POT1: variants seen among roughly 807,000 people sequenced by gnomAD.
POT1 encodes the protein protection of telomeres protein 1.
Under a neutral mutation model 78.5 loss-of-function variants are expected in POT1, and 47 were observed. The ratio of observed to expected loss-of-function variants is 0.60; its 90% CI spans 0.47 to 0.76. POT1 has a LOEUF of 0.76. Among genes scored for constraint, POT1 ranks in the 30% least tolerant of loss-of-function variants. The pLI is 0.00. For missense variants in POT1, 646 were observed against 749.9 expected (o/e 0.86, Z 1.62); for synonymous variants, 259 against 260.7 (o/e 0.99, Z 0.06).
At position 124,896,114 on chromosome 7, in the gene POT1, C is replaced by G. The variant is rs1278727142; in HGVS notation, c.9+1051G>C. On this transcript the variant is annotated intron_variant, in intron 5 of 18. Transcript: ENST00000357628. ...TTCAGGAAAACAAGAAACTCAAAAA[C>G]AGTAACTCCGTTTTCTTGATATCAA... Among the ~76,000 whole-genome samples, 3 of 151,422 alleles carry G rather than the reference C, an allele frequency of 2.0e-5. No homozygotes were observed. The East Asian group carries it at 5.8e-4, about 29-fold the overall frequency.
At chr7:124,906,438 A>G (rs1011227072) in intron 3 of POT1, among the ~76,000 whole-genome samples, 27 of 142,308 alleles carry the variant, frequency 1.9e-4, no homozygotes, top group Admixed American at 2.2e-4. Context: ...GAACTGAACA[A>G]TGAGAACACT....
chr7:124,824,148 C>A, intron 18 of POT1, 74 bp from the exon 19 acceptor site: 1 of 821,084 alleles, frequency 1.2e-6, no homozygotes, highest in Non-Finnish European at 1.9e-6. Context: ...GGTACCTAAG[C>A]TTACCACTGA....
intron 3 of POT1, among the ~76,000 whole-genome samples, chr7:124,902,902 C>A (rs946473905): frequency 2.6e-5 from 4 of 151,982 alleles, no homozygotes; most frequent in Non-Finnish European, 4.4e-5. Flanking sequence ...AGACTTTAAA[C>A]CAACAAAGAT....
chr7:124,923,178 T>C (rs774336379), intron 2 of POT1, among the ~76,000 whole-genome samples: 4 of 151,582 alleles, frequency 2.6e-5, no homozygotes, highest in African/African-American at 2.4e-5. Flanking sequence ...TTAAAAAAAA[T>C]TCCTCGAAAT....
intron 17 of POT1, among the ~76,000 whole-genome samples, chr7:124,826,210 A>G (rs1794626266): frequency 6.6e-6 from 1 of 152,176 alleles, no homozygotes; most frequent in Non-Finnish European, 1.5e-5. Context: ...CTATCTGGCA[A>G]TATATTATGT....
chr7:124,853,066 A>G lies in POT1; in HGVS notation c.775T>C (p.Leu259=). The part of the protein sequence containing the change: ...QSMNSENQTM[L]SLEFHLHGGT... ...CCATGAAGATGAAACTCTAAACTTA[A>G]CATTGTCTGATTCTCTGAATTCATT... Residue 259 remains leucine (L), a synonymous_variant, in exon 10 of 19, where the codon TTA becomes CTA. Transcript: ENST00000357628. 1 of 1,610,466 alleles carries G rather than the reference A, an allele frequency of 6.2e-7. No individual in the cohort carries two copies. Among genetic ancestry groups the G allele is most frequent in the Non-Finnish European group, 8.5e-7 (1 of 1,176,846 alleles).
intron 15 of POT1, among the ~76,000 whole-genome samples, chr7:124,833,874 T>C (rs1247576578): frequency 2.6e-5 from 4 of 152,210 alleles, no homozygotes; most frequent in African/African-American, 7.2e-5. Context: ...GCTGAACATA[T>C]AGTAACCAAT....
intron 3 of POT1, among the ~76,000 whole-genome samples, chr7:124,909,881 T>A (rs1362007078): frequency 6.6e-6 from 1 of 151,900 alleles, no homozygotes; most frequent in Non-Finnish European, 1.5e-5. Flanking sequence ...AGGATAAAGG[T>A]GAAATATATT....
intron 2 of POT1, among the ~76,000 whole-genome samples, chr7:124,925,226 C>A (rs981117454): frequency 2.0e-5 from 3 of 151,922 alleles, no homozygotes; most frequent in East Asian, 1.9e-4. Context: ...CAAGACTCCA[C>A]CAAAAATCTC....
At chr7:124,836,798 G>C (rs948726226) in intron 14 of POT1, among the ~76,000 whole-genome samples, 9 of 152,188 alleles carry the variant, frequency 5.9e-5, no homozygotes, top group African/African-American at 2.2e-4. Flanking sequence ...AAAGCACTTA[G>C]AGCCATGAGT....
intron 8 of POT1, among the ~76,000 whole-genome samples, chr7:124,861,047 A>G (rs1174572738): frequency 6.6e-6 from 1 of 152,204 alleles, no homozygotes; most frequent in Non-Finnish European, 1.5e-5. Context: ...TGCTAATGTG[A>G]ATAGTGCCAC....
chr7:124,915,801 T>C lies in POT1; in HGVS notation c.-226-155A>G, dbSNP rs2219954. Among the ~76,000 whole-genome samples, 94,139 of 151,882 alleles carry C rather than the reference T, an allele frequency of 0.62. 29,495 individuals carry two copies. The highest frequency in any genetic ancestry group is 0.71 in the African/African-American group (29,475 of 41,470). The stretch of plus-strand genomic sequence containing the variant: ...GTAACTATTTTAAGACAAGAAACTG[T>C]TGAATTTGTTTTTCTAGAGAAAAAT... On this transcript the variant is annotated intron_variant, in intron 2 of 18. Coordinates refer to ENST00000357628, the MANE Select transcript of POT1 (RefSeq NM_015450.3).
chr7:124,834,896 A>G (rs895655106), intron 15 of POT1, among the ~76,000 whole-genome samples: 9 of 152,242 alleles, frequency 5.9e-5, no homozygotes, highest in Non-Finnish European at 1.2e-4. Flanking sequence ...CATACGCACC[A>G]TGGAATACTA....
intron 2 of POT1, among the ~76,000 whole-genome samples, chr7:124,918,903 G>A (rs1421645380): frequency 6.6e-6 from 1 of 152,094 alleles, no homozygotes; most frequent in African/African-American, 2.4e-5. Flanking sequence ...ACAGCAGGAA[G>A]ACATCTGGCC....
In POT1 at chr7:124,892,311, C is replaced by G. The variant is rs1584791977; in HGVS notation, c.79G>C (p.Gly27Arg). ...LKGGTIVNVY[G>R]VVKFFKPPYL... ...GGGGGCTTAAAGAACTTCACAACAC[C>G]ATAGACATTGACAATTGTACCACCC... Residue 27 changes from glycine (G) to arginine (R), a missense_variant, in exon 6 of 19, where the codon GGT (glycine) becomes CGT (arginine). By Grantham distance (125) the Gly-to-Arg change is moderately radical. Coordinates refer to ENST00000357628, the MANE Select transcript of POT1 (RefSeq NM_015450.3). 6.5e-7 allele frequency: 1 copy of G among 1,543,866 alleles called. No individual in the cohort carries two copies. Among genetic ancestry groups the G allele is most frequent in the Non-Finnish European group, 8.7e-7 (1 of 1,152,076 alleles).
At chr7:124,906,009 G>A (rs1351165547) in intron 3 of POT1, among the ~76,000 whole-genome samples, 1 of 152,164 alleles carries the variant, frequency 6.6e-6, no homozygotes, top group East Asian at 1.9e-4. Context: ...AGAGGATGTG[G>A]AGAAATAGGA....
intron 2 of POT1, among the ~76,000 whole-genome samples, chr7:124,924,696 T>C (rs1797232600): frequency 6.6e-6 from 1 of 151,992 alleles, no homozygotes; most frequent in Non-Finnish European, 1.5e-5. Flanking sequence ...TCTGATGACA[T>C]CGATGCAAAA....
intron 9 of POT1, among the ~76,000 whole-genome samples, chr7:124,854,932 G>A (rs1028457031): frequency 4.6e-5 from 7 of 151,384 alleles, no homozygotes; most frequent in Non-Finnish European, 8.9e-5. Flanking sequence ...TTGAAAGAAG[G>A]CCTAAACACA....
chr7:124,882,572 G>A (rs1796144095), intron 6 of POT1, among the ~76,000 whole-genome samples: 2 of 151,914 alleles, frequency 1.3e-5, no homozygotes, highest in Admixed American at 6.6e-5. Context: ...ATAGATGTTA[G>A]ACATTGCATG....
Sources: allele counts gnomAD v4.1 joint callset (sites outside exome capture counted in the v4.1 genomes callset), GRCh38; gene constraint gnomAD v4.1.1; transcripts MANE v1.5; gene names NCBI Gene and HGNC (gene_info 2026-07-23, HGNC 2026-07-21).